C19orf44: variants seen among roughly 807,000 people sequenced by gnomAD.
C19orf44 encodes the protein chromosome 19 open reading frame 44.
C19orf44 carries 43 observed loss-of-function variants against 50.7 expected under a neutral mutation model. That is an observed-to-expected ratio of 0.85 (90% CI 0.66 to 1.09). C19orf44 has a LOEUF of 1.09. Among genes scored for constraint, C19orf44 ranks in the 50% least tolerant of loss-of-function variants. The pLI is 0.00. For synonymous variants in C19orf44, 298 were observed against 334.7 expected (o/e 0.89, Z 1.20); for missense variants, 722 against 836.2 (o/e 0.86, Z 1.68).
At position 16,520,978 on chromosome 19, in the gene C19orf44, C is replaced by G; in HGVS notation, c.*925C>G. ...ACCCACAAGGAAGTCGTGAAAAAGT[C>G]ATCAGGAGTTAATCCACAGAACCTT... is the stretch of plus-strand genomic sequence containing the variant. On this transcript the variant is annotated 3_prime_UTR_variant, in exon 9 of 9. Coordinates refer to ENST00000221671, the MANE Select transcript of C19orf44 (RefSeq NM_032207.4). This position sits in a 1 kb window ranked among gnomAD's most constrained non-coding sequence, Gnocchi z 4.0. 1 of 1,368,046 alleles carries G rather than the reference C, an allele frequency of 7.3e-7. No homozygotes were observed. The highest frequency in any genetic ancestry group is 1.0e-6 in the Non-Finnish European group (1 of 960,334). 84.7% of individuals were successfully genotyped at this position (1,368,046 alleles called of 1,614,324 possible).
chr19:16,511,334 C>T (rs909830493), intron 5 of C19orf44, among the ~76,000 whole-genome samples: 3 of 151,936 alleles, frequency 2.0e-5, no homozygotes, highest in African/African-American at 7.3e-5. Context: ...CGCACCTGGC[C>T]CCCTGTATAA....
chr19:16,514,766 A>G lies in C19orf44; in HGVS notation c.1902+103A>G, dbSNP rs930884762. ...GGCCGGGGCCTGGGCTCCAGCGCTC[A>G]GCCCAGGGCTGCAGGGATGCAGTGG... On this transcript the variant is annotated intron_variant, in intron 7 of 8. Transcript: ENST00000221671. 4 of 1,311,034 alleles carry G rather than the reference A, an allele frequency of 3.1e-6. No homozygotes were observed. In the East Asian group the frequency reaches 8.4e-5, roughly 28 times the overall value. 81.2% of individuals were successfully genotyped at this position (1,311,034 alleles called of 1,614,324 possible). A position where few individuals can be genotyped will look rare whatever the true frequency, so the allele number is the denominator to read the frequency against.
At chr19:16,503,958 G>A (rs2093432898) in intron 3 of C19orf44, among the ~76,000 whole-genome samples, 1 of 152,092 alleles carries the variant, frequency 6.6e-6, no homozygotes, top group African/African-American at 2.4e-5. Context: ...GCTTTGGAAA[G>A]CCTAGGCAGG....
chr19:16,504,137 G>A (rs373315646), intron 3 of C19orf44, among the ~76,000 whole-genome samples: 7 of 152,132 alleles, frequency 4.6e-5, no homozygotes, highest in East Asian at 1.9e-4. Context: ...TGGAGGCTGC[G>A]GTGAGCTATG....
In C19orf44 at chr19:16,520,467, G is replaced by T. The variant is rs776056169; in HGVS notation, c.*414G>T. 1.3e-4 allele frequency: 209 copies of T among 1,614,056 alleles called. No individual in the cohort carries two copies. The highest frequency in any genetic ancestry group is 1.7e-4 in the Non-Finnish European group (195 of 1,179,998). ...CTTGAGTTGGAGCGGGAGGAAGAAC[G>T]CCCTCGACTCTTGGATCTGCTCCGA... On this transcript the variant is annotated 3_prime_UTR_variant, in exon 9 of 9. Transcript: ENST00000221671. The surrounding 1 kb of genome is among the most constrained non-coding windows in gnomAD (Gnocchi z 4.0).
At chr19:16,498,256 A>G (rs766192992) in intron 1 of C19orf44, among the ~76,000 whole-genome samples, 21 of 152,112 alleles carry the variant, frequency 1.4e-4, no homozygotes, top group Non-Finnish European at 2.6e-4. Context: ...TAATTTTACA[A>G]TTCCCCCAAC....
At chr19:16,509,317 A>G (rs979417858) in intron 4 of C19orf44, among the ~76,000 whole-genome samples, 182 bp from the exon 5 acceptor site, 21 of 152,166 alleles carry the variant, frequency 1.4e-4, no homozygotes, top group African/African-American at 4.3e-4. Flanking sequence ...CCCCGTGGAC[A>G]TGCCGTACTG....
chr19:16,500,324 T>A (rs982346083), intron 1 of C19orf44, among the ~76,000 whole-genome samples: 1 of 152,018 alleles, frequency 6.6e-6, no homozygotes, highest in African/African-American at 2.4e-5. Flanking sequence ...TTATTGCTCT[T>A]TCAGGTAATT....
Position 16,501,022 on chromosome 19 carries a change from C to T in C19orf44, c.230C>T (p.Ala77Val), listed in dbSNP as rs767335205. Reference sequence around the variant, plus strand: ...GTGCTCGGGAGTGGACCCAGGCTTGCCTCATGTAGACCGCCCACCACTGCC... The same window carrying T: ...GTGCTCGGGAGTGGACCCAGGCTTGTCTCATGTAGACCGCCCACCACTGCC... ...NPVLGSGPRLASCRPPTTASR... is the reference protein window; with the variant it reads ...NPVLGSGPRLVSCRPPTTASR... The change falls in exon 2 of 9, where the codon GCC becomes GTC. Residue 77 changes from alanine to valine, a missense_variant. Ala to Val is a moderately conservative substitution (Grantham distance 64, BLOSUM62 0). Transcript: ENST00000221671. 1.2e-6 allele frequency: 2 copies of T among 1,614,068 alleles called. No homozygotes were observed. Among genetic ancestry groups the T allele is most frequent in the Non-Finnish European group, 8.5e-7 (1 of 1,179,990 alleles).
intron 2 of C19orf44, among the ~76,000 whole-genome samples, chr19:16,502,365 G>A (rs2093428000): frequency 6.6e-6 from 1 of 150,710 alleles, no homozygotes; most frequent in Non-Finnish European, 1.5e-5. Flanking sequence ...AGCCTCCCGA[G>A]TAGCTGGGAT....
Position 16,501,518 on chromosome 19 carries a change from C to T in C19orf44, c.726C>T (p.Asn242=), listed in dbSNP as rs373713416. The change falls in exon 2 of 9, where the codon AAC becomes AAT. Residue 242 remains asparagine (N), a synonymous_variant. Transcript: ENST00000221671. ...CGAATCAAGGCTTCAGCAGCGCTAA[C>T]GTCAGCGAGGAAGAAGAAAGAAAAC... ...KNTNQGFSSA[N]VSEEEERKLF... is the part of the protein sequence containing the mutation. 4.1e-6 allele frequency: 6 copies of T among 1,454,548 alleles called. No homozygotes were observed. The highest frequency in any genetic ancestry group is 1.6e-5 in the South Asian group (1 of 64,430). The allele number at this position is 1,454,548 out of a possible 1,614,324, so 90.1% of individuals were successfully genotyped here.
chr19:16,500,781 T>C lies in C19orf44; in HGVS notation c.-1-11T>C. On this transcript the variant is annotated splice_polypyrimidine_tract_variant and intron_variant, in intron 1 of 8. Coordinates refer to ENST00000221671, the MANE Select transcript of C19orf44 (RefSeq NM_032207.4). ...GTACTCTTATGCAAAATTGCTCCTC[T>C]TCCTCCACAGAATGGCTTCTGCAAG... is the stretch of plus-strand genomic sequence containing the variant. 1.3e-6 allele frequency: 2 copies of C among 1,554,344 alleles called. No individual in the cohort carries two copies. The highest frequency in any genetic ancestry group is 8.7e-7 in the Non-Finnish European group (1 of 1,154,092).
At chr19:16,501,632 GC>G in intron 2 of C19orf44, 81 bp downstream of exon 2, 1 of 1,083,382 alleles carries the variant, frequency 9.2e-7, no homozygotes, top group Non-Finnish European at 1.2e-6. Flanking sequence ...TGCTCTTGTT[GC>G]CCAGGCTGGA....
intron 1 of C19orf44, among the ~76,000 whole-genome samples, chr19:16,499,870 A>G (rs1599727258): frequency 1.3e-5 from 2 of 148,434 alleles, no homozygotes; most frequent in Admixed American, 6.7e-5. Context: ...GCTCACTGCA[A>G]CCTCCACCTC....
chr19:16,507,875 C>T (rs2093444964), intron 4 of C19orf44, among the ~76,000 whole-genome samples: 1 of 151,742 alleles, frequency 6.6e-6, no homozygotes, highest in Admixed American at 6.6e-5. Flanking sequence ...GTGATCTCAG[C>T]TCACTGCAAG....
intron 3 of C19orf44, among the ~76,000 whole-genome samples, chr19:16,504,393 G>C (rs1398064438): frequency 6.6e-6 from 1 of 151,868 alleles, no homozygotes; most frequent in Admixed American, 6.6e-5. Context: ...CTATTAACTT[G>C]CTGTAAATGA....
At position 16,509,906 on chromosome 19, in the gene C19orf44, G is replaced by A. The variant is rs746328167; in HGVS notation, c.1557G>A (p.Ser519=). 1.2e-5 allele frequency: 20 copies of A among 1,614,134 alleles called. No homozygotes were observed. Among genetic ancestry groups the A allele is most frequent in the East Asian group, 4.5e-5 (2 of 44,896 alleles). The change falls in exon 5 of 9, where the codon TCG becomes TCA. Residue 519 remains serine, a synonymous_variant. Transcript: ENST00000221671. ...LPQTAESRKK[S]GRHVTRVLVK... ...AAACAGCCGAGTCTAGGAAAAAGTC[G>A]GGCAGGCACGTGACAAGAGTGCTTG...
At chr19:16,518,472 A>C (rs2085569571) in intron 8 of C19orf44, 1 of 152,160 alleles carries the variant, frequency 6.6e-6, no homozygotes, top group Non-Finnish European at 1.5e-5. Context: ...CAACTTATAC[A>C]ACTAAAATAA....
intron 5 of C19orf44, among the ~76,000 whole-genome samples, chr19:16,512,622 C>T (rs914732015): frequency 1.1e-4 from 17 of 152,060 alleles, no homozygotes; most frequent in African/African-American, 4.1e-4. Context: ...CACCTCAGCA[C>T]TTTCAGAGGC....
Sources: gnomAD v4.1 joint callset for allele counts (sites outside exome capture counted in the v4.1 genomes callset) on GRCh38, gnomAD v4.1.1 for gene constraint, Gnocchi (gnomAD v3.1) non-coding constraint, MANE v1.5 for transcripts, NCBI Gene and HGNC (gene_info 2026-07-23, HGNC 2026-07-21) for gene names.